Variants in TMEM165 observed in about 807,000 individuals in gnomAD.
TMEM165 encodes transmembrane protein 165.
Under a neutral mutation model 30.0 loss-of-function variants are expected in TMEM165, and 19 were observed. That is an observed-to-expected ratio of 0.63 (90% CI 0.44 to 0.93). The LOEUF (loss-of-function observed/expected upper bound fraction) is 0.93, where lower values mean the gene tolerates loss of function less well. Ranked by LOEUF, TMEM165 falls within the 40% of genes least tolerant of loss-of-function variation. TMEM165 has a pLI of 0.00. For missense variants in TMEM165, 340 were observed against 417.0 expected, an observed-to-expected ratio of 0.82 and a Z score of 1.61; for synonymous variants, 168 against 162.9, an observed-to-expected ratio of 1.03 and a Z score of -0.24.
Position 55,411,612 on chromosome 4 carries a change from A to T in TMEM165, c.208-2A>T. On this transcript the variant is annotated splice_acceptor_variant, in intron 1 of 5. Coordinates refer to ENST00000381334, the MANE Select transcript of TMEM165 (RefSeq NM_018475.5). LOFTEE classifies it high-confidence loss of function. The stretch of plus-strand genomic sequence containing the variant: ...AAGAAGTAACTGATTTTTTTTTTCC[A>T]GAAAATATTTACACCAGCAGCTCCA... 1 of 1,595,122 alleles carries T rather than the reference A, an allele frequency of 6.3e-7. No homozygotes were observed. Among genetic ancestry groups the T allele is most frequent in the Admixed American group, 1.8e-5 (1 of 54,348 alleles).
downstream of TMEM165, chr4:55,430,615 T>A (rs1282473263): frequency 6.6e-6 from 1 of 152,158 alleles, no homozygotes; most frequent in Non-Finnish European, 1.5e-5. Context: ...TCAGTCCTTT[T>A]TGTGCAAAAA....
At chr4:55,445,573 T>C (rs1295259421) in intron 3 of TMEM165, among the ~76,000 whole-genome samples, 1 of 142,178 alleles carries the variant, frequency 7.0e-6, no homozygotes, top group African/African-American at 2.6e-5. Flanking sequence ...CATCTGCTAT[T>C]TCTATATTCT....
chr4:55,450,311 C>A (rs1048229905), intron 3 of TMEM165: 29 of 1,563,070 alleles, frequency 1.9e-5, no homozygotes, highest in Middle Eastern at 2.0e-4. Flanking sequence ...TTAACAACAA[C>A]AAAAAAATCA....
intron 3 of TMEM165, chr4:55,444,743 C>T: frequency 6.2e-7 from 1 of 1,614,076 alleles, no homozygotes; most frequent in Non-Finnish European, 8.5e-7. Context: ...TCCAATTGGT[C>T]TTTCAGATGT....
chr4:55,412,241 A>G (rs928988457), intron 2 of TMEM165: 2 of 256,070 alleles, frequency 7.8e-6, no homozygotes, highest in Non-Finnish European at 1.5e-5. Context: ...TGAAAATACA[A>G]AAATTAGCTG....
intron 3 of TMEM165, chr4:55,444,605 T>C: frequency 6.2e-7 from 1 of 1,613,754 alleles, no homozygotes; most frequent in Non-Finnish European, 8.5e-7. Flanking sequence ...AATGGGATGC[T>C]TTGTTTGTAT....
intron 3 of TMEM165, among the ~76,000 whole-genome samples, chr4:55,447,443 G>A (rs1237202664): frequency 1.3e-5 from 2 of 152,192 alleles, no homozygotes; most frequent in African/African-American, 2.4e-5. Flanking sequence ...CTTTGGACAA[G>A]CATTATATTG....
intron 3 of TMEM165, chr4:55,432,148 C>G (rs182464471): frequency 6.6e-6 from 1 of 152,154 alleles, no homozygotes; most frequent in Admixed American, 6.5e-5. Context: ...TTGGGATGCT[C>G]GAAGGCTAGA....
At chr4:55,426,448 G>A (rs1722204779), downstream of TMEM165, among the ~76,000 whole-genome samples, 1 of 152,156 alleles carries the variant, frequency 6.6e-6, no homozygotes, top group Non-Finnish European at 1.5e-5. Flanking sequence ...CATTCATTAT[G>A]CTAAGACTAC....
At position 55,403,749 on chromosome 4, in the gene TMEM165, A is replaced by C. The variant is rs1194070530; in HGVS notation, c.207+7353A>C. On this transcript the variant is annotated intron_variant, in intron 1 of 5. Coordinates refer to ENST00000381334, the MANE Select transcript of TMEM165 (RefSeq NM_018475.5). ...TGGAATACCAAAATTGAAATTGCAC[A>C]CTGCATCTAATCCTGTATGCATCCA... Among the ~76,000 whole-genome samples the C allele has an allele frequency of 3.8e-4, 58 of 152,270 alleles. 1 individual carries two copies. Among genetic ancestry groups the C allele is most frequent in the Non-Finnish European group, 1.3e-4 (9 of 68,010 alleles).
At chr4:55,411,484 A>G in intron 1 of TMEM165, 130 bp from the exon 2 acceptor site, 3 of 775,796 alleles carry the variant, frequency 3.9e-6, no homozygotes, top group Middle Eastern at 3.8e-4. Context: ...TGGCTTTCAG[A>G]GTGATTAGAC....
intron 3 of TMEM165, chr4:55,438,455 G>A (rs1378952637): frequency 6.2e-7 from 1 of 1,613,872 alleles, no homozygotes; most frequent in South Asian, 1.1e-5. Flanking sequence ...TGGCCCATAA[G>A]CATAGTACTA....
At position 55,425,548 on chromosome 4, in the gene TMEM165, T is replaced by TATTTTGTAGCACTG; in HGVS notation, c.*104_*117dup. On this transcript the variant is annotated 3_prime_UTR_variant, in exon 6 of 6. Coordinates refer to ENST00000381334, the MANE Select transcript of TMEM165 (RefSeq NM_018475.5). The stretch of plus-strand genomic sequence containing the variant: ...AACTAAAAGTGATGGAAAAATACTG[T>TATTTTGTAGCACTG]ATTTTGTAGCACTGATTTTGTGAGT... 1 of 957,534 alleles carries TATTTTGTAGCACTG rather than the reference T, an allele frequency of 1.0e-6. No individual in the cohort carries two copies. Among genetic ancestry groups the TATTTTGTAGCACTG allele is most frequent in the Non-Finnish European group, 1.6e-6 (1 of 622,156 alleles). The allele number at this position is 957,534 out of a possible 1,614,324, so 59.3% of individuals were successfully genotyped here.
chr4:55,448,596 G>A (rs944436457), intron 3 of TMEM165, among the ~76,000 whole-genome samples: 5 of 108,746 alleles, frequency 4.6e-5, no homozygotes, highest in Non-Finnish European at 5.2e-5. Flanking sequence ...GCGCGCGCAC[G>A]CGCGCGTGTG....
intron 1 of TMEM165, among the ~76,000 whole-genome samples, chr4:55,400,213 A>C (rs1463573476): frequency 1.2e-4 from 3 of 24,670 alleles, no homozygotes; most frequent in African/African-American, 9.7e-4. Context: ...ATTTATATTT[A>C]TATTATATAT....
chr4:55,434,991 T>C (rs1722769046), intron 3 of TMEM165: 1 of 241,536 alleles, frequency 4.1e-6, no homozygotes, highest in African/African-American at 2.2e-5. Flanking sequence ...ACTGTCTTCA[T>C]GGCATCACTG....
intron 3 of TMEM165, among the ~76,000 whole-genome samples, chr4:55,448,622 G>A (rs1023201094): frequency 6.6e-6 from 1 of 151,616 alleles, no homozygotes. Flanking sequence ...GTGTGTGTGT[G>A]TGTGTGTGTG....
At chr4:55,431,273 A>G (rs576900799) in intron 3 of TMEM165, 1 of 152,344 alleles carries the variant, frequency 6.6e-6, no homozygotes, top group East Asian at 1.9e-4. Flanking sequence ...CACATTACCC[A>G]TGCGGATGAG....
chr4:55,423,543 C>T (rs569015197), intron 4 of TMEM165: 1 of 152,602 alleles, frequency 6.6e-6, no homozygotes, highest in Non-Finnish European at 1.5e-5. Flanking sequence ...CCACCTCAGC[C>T]TCCCGAGTAG....
Sources: gnomAD v4.1 joint callset for allele counts (sites outside exome capture counted in the v4.1 genomes callset) on GRCh38, gnomAD v4.1.1 for gene constraint, MANE v1.5 for transcripts, NCBI Gene and HGNC (gene_info 2026-07-23, HGNC 2026-07-21) for gene names.